The following MCHR2 variants were observed in gnomAD, a reference collection of about 807,000 sequenced individuals.
MCHR2 encodes the protein melanin concentrating hormone receptor 2.
Under a neutral mutation model 24.8 loss-of-function variants are expected in MCHR2, and 15 were observed. The observed-to-expected ratio is 0.60, with a 90% CI of 0.40 to 0.93. The LOEUF (loss-of-function observed/expected upper bound fraction) is 0.93, where lower values mean the gene tolerates loss of function less well. Among genes scored for constraint, MCHR2 ranks in the 40% least tolerant of loss-of-function variants. MCHR2 has a pLI of 0.00. For missense variants in MCHR2, 386 were observed against 408.7 expected, an observed-to-expected ratio of 0.94 and a Z score of 0.48; for synonymous variants, 151 against 147.6, an observed-to-expected ratio of 1.02 and a Z score of -0.17.
At chr6:99,941,300 G>A (rs1338590877) in intron 4 of MCHR2, among the ~76,000 whole-genome samples, 1 of 144,136 alleles carries the variant, frequency 6.9e-6, no homozygotes, top group Non-Finnish European at 1.5e-5. Context: ...ACATATTTGA[G>A]TTCTGGAGTT....
intron 4 of MCHR2, 111 bp from the exon 5 acceptor site, chr6:99,934,628 G>C: frequency 9.8e-7 from 1 of 1,024,886 alleles, no homozygotes. Flanking sequence ...ATTTTTCAGG[G>C]TCCAGGATGA....
intron 1 of MCHR2, among the ~76,000 whole-genome samples, chr6:99,960,243 C>G (rs927730482): frequency 1.3e-5 from 2 of 152,008 alleles, no homozygotes; most frequent in African/African-American, 4.8e-5. Flanking sequence ...CAAAAATATT[C>G]TTTGAAAATT....
At chr6:99,922,906 T>TC (rs1253176266) in intron 5 of MCHR2, among the ~76,000 whole-genome samples, 1 of 151,724 alleles carries the variant, frequency 6.6e-6, no homozygotes. Context: ...ATTTTAAGAT[T>TC]TTTTTTTCTA....
At chr6:99,923,996 T>G (rs1774297571) in intron 5 of MCHR2, among the ~76,000 whole-genome samples, 1 of 152,100 alleles carries the variant, frequency 6.6e-6, no homozygotes. Context: ...TTGTATTAGC[T>G]TTTTAAATGT....
intron 1 of MCHR2, among the ~76,000 whole-genome samples, chr6:99,961,709 G>A (rs1272306358): frequency 6.6e-6 from 1 of 152,102 alleles, no homozygotes; most frequent in Non-Finnish European, 1.5e-5. Context: ...CCTGTTGCGG[G>A]ATGGGAGGCT....
Position 99,947,763 on chromosome 6 carries a change from T to G in MCHR2, c.391A>C (p.Arg131=). The change falls in exon 3 of 6, where the codon AGG becomes CGG. Residue 131 remains arginine (R), a splice_region_variant and synonymous_variant. Coordinates refer to ENST00000281806, the MANE Select transcript of MCHR2 (RefSeq NM_001040179.2). ...SAIMTVMSVD[R]YFALVQPFRL... is the part of the protein sequence containing the mutation. ...GATATTTCAAAGTCTTTCACTTACC[T>G]GTCCACACTCATTACAGTCATGATG... is the stretch of plus-strand genomic sequence containing the variant. The G allele has an allele frequency of 1.2e-6, 2 of 1,613,054 alleles. No homozygotes were observed. Among genetic ancestry groups the G allele is most frequent in the Non-Finnish European group, 1.7e-6 (2 of 1,179,516 alleles).
intron 5 of MCHR2, among the ~76,000 whole-genome samples, chr6:99,929,128 T>G (rs1220586303): frequency 1.3e-5 from 2 of 152,204 alleles, no homozygotes; most frequent in Non-Finnish European, 2.9e-5. Context: ...GTTGTTCAGT[T>G]TCCATGTAGT....
rs1011259972 is a variant in MCHR2, at chr6:99,950,495, C to T, written c.183-2524G>A. Among the ~76,000 whole-genome samples, 5 of 152,144 alleles carry T rather than the reference C, an allele frequency of 3.3e-5. 1 individual carries two copies. The South Asian group carries it at 8.3e-4, about 25-fold the overall frequency. ...GGTTAACGTGGTCATATCTAATACT[C>T]ATTAATTTGAGGAATGATAAAATAA... is the stretch of plus-strand genomic sequence containing the variant. On this transcript the variant is annotated intron_variant, in intron 2 of 5. Coordinates refer to ENST00000281806, the MANE Select transcript of MCHR2 (RefSeq NM_001040179.2).
intron 3 of MCHR2, 122 bp downstream of exon 3, chr6:99,947,640 G>T: frequency 1.2e-6 from 1 of 850,452 alleles, no homozygotes; most frequent in Non-Finnish European, 1.8e-6. Flanking sequence ...CAGTTCTACA[G>T]TGAAACAAAG....
intron 5 of MCHR2, among the ~76,000 whole-genome samples, chr6:99,930,355 C>T (rs374163127): frequency 6.6e-6 from 1 of 152,096 alleles, no homozygotes; most frequent in Non-Finnish European, 1.5e-5. Flanking sequence ...TTGTGGCGTT[C>T]TCTGTATTTC....
intron 1 of MCHR2, among the ~76,000 whole-genome samples, chr6:99,982,155 A>G (rs1404756605): frequency 3.3e-5 from 5 of 151,826 alleles, no homozygotes; most frequent in Non-Finnish European, 7.4e-5. Context: ...TTCCTTCATT[A>G]CTTCTCACTG....
chr6:99,945,678 T>C (rs564777119), intron 3 of MCHR2, among the ~76,000 whole-genome samples: 1 of 152,280 alleles, frequency 6.6e-6, no homozygotes, highest in South Asian at 2.1e-4. Context: ...TAAACTTTTA[T>C]GAATTTAGTG....
chr6:99,971,772 T>G (rs1310764359), intron 1 of MCHR2, among the ~76,000 whole-genome samples: 2 of 152,012 alleles, frequency 1.3e-5, no homozygotes, highest in East Asian at 1.9e-4. Context: ...TAGCATGAAG[T>G]GTTGTTGAAT....
intron 1 of MCHR2, among the ~76,000 whole-genome samples, chr6:99,970,540 T>C (rs1775387695): frequency 6.6e-6 from 1 of 152,228 alleles, no homozygotes; most frequent in Admixed American, 6.5e-5. Context: ...TCGTTTCTTT[T>C]GCTGTGCAGA....
intron 1 of MCHR2, among the ~76,000 whole-genome samples, chr6:99,971,911 C>G (rs1366078018): frequency 6.6e-6 from 1 of 152,010 alleles, no homozygotes; most frequent in Non-Finnish European, 1.5e-5. Context: ...GGGATGAAGC[C>G]CATTTGATCA....
chr6:99,967,070 A>T (rs1156656250), intron 1 of MCHR2, among the ~76,000 whole-genome samples: 1 of 152,078 alleles, frequency 6.6e-6, no homozygotes, highest in Non-Finnish European at 1.5e-5. Context: ...CTCATTCCTT[A>T]AATTGCAAGT....
In MCHR2 at chr6:99,920,708, G is replaced by A. The variant is rs1774205432; in HGVS notation, c.*232C>T. 1 of 501,196 alleles carries A rather than the reference G, an allele frequency of 2.0e-6. No homozygotes were observed. Among genetic ancestry groups the A allele is most frequent in the South Asian group, 2.7e-5 (1 of 36,912 alleles). 31.0% of individuals were successfully genotyped at this position (501,196 alleles called of 1,614,324 possible). On this transcript the variant is annotated 3_prime_UTR_variant, in exon 6 of 6. Coordinates refer to ENST00000281806, the MANE Select transcript of MCHR2 (RefSeq NM_001040179.2). The stretch of plus-strand genomic sequence containing the variant: ...TAATATACACCATCATGAAGCCTGG[G>A]TATCTCAGACTATCCCATTCCCTAC...
At chr6:99,923,124 A>G (rs938977725) in intron 5 of MCHR2, among the ~76,000 whole-genome samples, 4 of 151,918 alleles carry the variant, frequency 2.6e-5, no homozygotes, top group Non-Finnish European at 5.9e-5. Context: ...TTAAGTTTTT[A>G]GGTATTTAAT....
intron 5 of MCHR2, among the ~76,000 whole-genome samples, chr6:99,931,129 C>A (rs1219137032): frequency 6.6e-6 from 1 of 152,190 alleles, no homozygotes; most frequent in Non-Finnish European, 1.5e-5. Flanking sequence ...TGGGTACCAG[C>A]AGCGGTGGCT....
Sources: allele counts gnomAD v4.1 joint callset (sites outside exome capture counted in the v4.1 genomes callset), GRCh38; gene constraint gnomAD v4.1.1; transcripts MANE v1.5; gene names NCBI Gene and HGNC (gene_info 2026-07-23, HGNC 2026-07-21).